The following TRRAP variants were observed in gnomAD, a reference collection of about 807,000 sequenced individuals.
TRRAP encodes the protein transformation/transcription domain-associated protein.
A neutral mutation model predicts 438.8 loss-of-function variants in TRRAP; 41 were observed. The ratio of observed to expected loss-of-function variants is 0.09; its 90% CI spans 0.07 to 0.12. The LOEUF (loss-of-function observed/expected upper bound fraction) is 0.12. Ranked by LOEUF, TRRAP falls within the 10% of genes least tolerant of loss-of-function variation. TRRAP has a pLI of 1.00. For missense variants in TRRAP, 3,122 were observed against 5,055.1 expected (o/e 0.62, Z 11.60); for synonymous variants, 1,994 against 1,962.9 (o/e 1.02, Z -0.42).
At position 99,005,310 on chromosome 7, in the gene TRRAP, A is replaced by C; in HGVS notation, c.10715A>C (p.Lys3572Thr). ...LLRLLNPCLE[K>T]RKETTKRHLF... ...CGTCTGCTGAACCCCTGTTTGGAGA[A>C]GAGAAAGGAGACCACCAAGAGGCAC... is the stretch of plus-strand genomic sequence containing the variant. Residue 3572 changes from lysine to threonine, a missense_variant, in exon 69 of 73, where the codon AAG becomes ACG. Coordinates refer to ENST00000456197, the MANE Select transcript of TRRAP (RefSeq NM_001375524.1). This position sits in a 1 kb window ranked among gnomAD's most constrained non-coding sequence, Gnocchi z 5.1. 1 of 1,614,082 alleles carries C rather than the reference A, an allele frequency of 6.2e-7. No homozygotes were observed. Among genetic ancestry groups the C allele is most frequent in the Non-Finnish European group, 8.5e-7 (1 of 1,180,030 alleles).
chr7:98,939,718 A>C (rs1311036054), intron 30 of TRRAP, among the ~76,000 whole-genome samples: 2 of 152,212 alleles, frequency 1.3e-5, no homozygotes, highest in Non-Finnish European at 2.9e-5. Flanking sequence ...ACTTTATCTT[A>C]CATCCTGTAT....
intron 45 of TRRAP, among the ~76,000 whole-genome samples, chr7:98,960,666 A>G (rs1791846537): frequency 6.6e-6 from 1 of 152,082 alleles, no homozygotes; most frequent in Non-Finnish European, 1.5e-5. Flanking sequence ...GTCTTGGCTC[A>G]CTGCAACCTC....
Position 98,903,495 on chromosome 7 carries a change from C to G in TRRAP, c.1014C>G (p.Ile338Met). ...AGCTTCTGATTGCTGCCAAACACAT[C>G]CTCACCACAGAGCTGAGAAACCGTA... ...RKELLIAAKH[I>M]LTTELRNQFI... Residue 338 changes from isoleucine (I) to methionine (M), a missense_variant, in exon 12 of 73, where the codon ATC becomes ATG. By Grantham distance (10) the Ile-to-Met change is conservative. This residue lies in a region of TRRAP where 343 missense variants were observed against 564.0 expected (regional missense o/e 0.61). Coordinates refer to ENST00000456197, the MANE Select transcript of TRRAP (RefSeq NM_001375524.1). 1 of 1,614,178 alleles carries G rather than the reference C, an allele frequency of 6.2e-7. No homozygotes were observed. The highest frequency in any genetic ancestry group is 8.5e-7 in the Non-Finnish European group (1 of 1,180,040).
Position 98,984,183 on chromosome 7 carries a change from T to C in TRRAP, c.9113T>C (p.Ile3038Thr). 1 of 1,614,174 alleles carries C rather than the reference T, an allele frequency of 6.2e-7. No homozygotes were observed. Among genetic ancestry groups the C allele is most frequent in the Non-Finnish European group, 8.5e-7 (1 of 1,180,024 alleles). The change falls in exon 61 of 73, where the codon ATC becomes ACC. Residue 3038 changes from isoleucine (I) to threonine (T), a missense_variant. Physicochemically the swap from Ile to Thr is moderately conservative, Grantham distance 89. Coordinates refer to ENST00000456197, the MANE Select transcript of TRRAP (RefSeq NM_001375524.1). Reference protein sequence around the residue: ...LGVHASASAIIQYGKIARKQG... With the variant: ...LGVHASASAITQYGKIARKQG... ...GTTCATGCATCAGCTTCAGCGATCATCCAGTATGGAAAAATCGCCCGGAAA... is the reference window on the plus strand; with the variant it reads ...GTTCATGCATCAGCTTCAGCGATCACCCAGTATGGAAAAATCGCCCGGAAA...
At position 98,907,416 on chromosome 7, in the gene TRRAP, C is replaced by T. The variant is rs187826943; in HGVS notation, c.1115+1161C>T. On this transcript the variant is annotated intron_variant, in intron 13 of 72. Transcript: ENST00000456197. ...CATTATAAAATGAATCAATGTTTGT[C>T]ATATTTTACTTCCAATAAGGAAGGC... Among the ~76,000 whole-genome samples, 186 of 151,950 alleles carry T rather than the reference C, an allele frequency of 1.2e-3. 1 individual carries two copies. The highest frequency in any genetic ancestry group is 4.0e-3 in the African/African-American group (164 of 41,448).
intron 12 of TRRAP, among the ~76,000 whole-genome samples, chr7:98,904,479 GTC>G (rs1796625559): frequency 9.7e-6 from 1 of 102,750 alleles, no homozygotes; most frequent in Non-Finnish European, 1.8e-5. Flanking sequence ...GCAAGACTCT[GTC>G]TCAAAAAAAA....
rs182453484 is a variant in TRRAP, at chr7:98,927,790, C to T, written c.3175+424C>T. Among the ~76,000 whole-genome samples, 39 of 152,218 alleles carry T rather than the reference C, an allele frequency of 2.6e-4. 1 individual carries two copies. In the East Asian group the frequency reaches 7.0e-3, roughly 27 times the overall value. ...TGCCTCGCAGTCTCCCCTGCGATGC[C>T]CGTTTCTGCTCCCAGGATCCTCATT... On this transcript the variant is annotated intron_variant, in intron 23 of 72. Transcript: ENST00000456197.
rs797034269 is a variant in TRRAP at position 98,891,212 on chromosome 7, T to A, written c.261+767T>A. ...TAGTCCATATATATATATTTTTTTT[T>A]TTTTTTTTTTTTTTTGGGAGACGGA... On this transcript the variant is annotated intron_variant, in intron 4 of 72. Transcript: ENST00000456197. Among the ~76,000 whole-genome samples the A allele has an allele frequency of 6.8e-3, 923 of 136,588 alleles. 2 individuals carry two copies. Among genetic ancestry groups the A allele is most frequent in the African/African-American group, 0.014 (516 of 38,162 alleles). 89.6% of individuals were successfully genotyped at this position (136,588 alleles called of 152,430 possible). A position where few individuals can be genotyped will look rare whatever the true frequency, so the allele number is the denominator to read the frequency against.
chr7:98,884,504 G>A (rs896983222), intron 3 of TRRAP, among the ~76,000 whole-genome samples: 1 of 152,224 alleles, frequency 6.6e-6, no homozygotes, highest in African/African-American at 2.4e-5. Context: ...CAAAGTGCTA[G>A]GATTACAAAC....
chr7:98,976,145 A>G lies in TRRAP; in HGVS notation c.7840-4A>G, dbSNP rs748364558. 5.0e-6 allele frequency: 8 copies of G among 1,613,796 alleles called. No individual in the cohort carries two copies. Among genetic ancestry groups the G allele is most frequent in the East Asian group, 4.5e-5 (2 of 44,888 alleles). On this transcript the variant is annotated splice_polypyrimidine_tract_variant and splice_region_variant and intron_variant, in intron 53 of 72. Coordinates refer to ENST00000456197, the MANE Select transcript of TRRAP (RefSeq NM_001375524.1). The surrounding 1 kb of genome is among the most constrained non-coding windows in gnomAD (Gnocchi z 4.6). ...ATCTCAGCCTGTTGTCTTTCTGTTC[A>G]TAGACTGGAGCGCTGCTCAGCGCTT...
Position 98,964,681 on chromosome 7 carries a change from C to G in TRRAP, c.6882C>G (p.Asp2294Glu). The G allele has an allele frequency of 6.2e-7, 1 of 1,614,126 alleles. No homozygotes were observed. Among genetic ancestry groups the G allele is most frequent in the Non-Finnish European group, 8.5e-7 (1 of 1,180,018 alleles). Residue 2294 changes from aspartate to glutamate, a missense_variant, in exon 48 of 73, where the codon GAC (aspartate) becomes GAG (glutamate). Transcript: ENST00000456197. ...GCAGCAACAACCCCAGCTACATAGA[C>G]AGGCTGATCTCCGTCTTTATGCGCT... is the stretch of plus-strand genomic sequence containing the variant. ...SACSNNPSYI[D>E]RLISVFMRSL... is the part of the protein sequence containing the mutation.
At chr7:98,932,973 T>C (rs1790390901) in intron 26 of TRRAP, among the ~76,000 whole-genome samples, 1 of 151,070 alleles carries the variant, frequency 6.6e-6, no homozygotes, top group Non-Finnish European at 1.5e-5. Flanking sequence ...GGTAGTTTTA[T>C]TCTTGTTTTG....
rs782175282 is a variant in TRRAP, at chr7:98,910,225, C to T, written c.1520C>T (p.Pro507Leu). 6.3e-6 allele frequency: 9 copies of T among 1,424,500 alleles called. No homozygotes were observed. In the African/African-American group the frequency reaches 1.2e-4, roughly 19 times the overall value. The allele number at this position is 1,424,500 out of a possible 1,614,324, so 88.2% of individuals were successfully genotyped here. A position where few individuals can be genotyped will look rare whatever the true frequency, so the allele number is the denominator to read the frequency against. The stretch of plus-strand genomic sequence containing the variant: ...TCCCCAGCCCCTGTCCCTGCCCCAC[C>T]TCCACCCCCGCCCCCACCCCCACCT... ...APSPAPVPAPPPPPPPPPPAT... is the reference protein window; with the variant it reads ...APSPAPVPAPLPPPPPPPPAT... The change falls in exon 15 of 73, where the codon CCT (proline) becomes CTT (leucine). Residue 507 changes from proline (P) to leucine (L), a missense_variant. Pro to Leu is a moderately conservative substitution (Grantham distance 98). This residue lies in a region of TRRAP where 115 missense variants were observed against 124.6 expected (regional missense o/e 0.92). Coordinates refer to ENST00000456197, the MANE Select transcript of TRRAP (RefSeq NM_001375524.1).
chr7:98,993,488 G>A (rs1192051768), intron 65 of TRRAP, 50 bp from the exon 66 acceptor site: 1 of 1,590,834 alleles, frequency 6.3e-7, no homozygotes, highest in Admixed American at 1.7e-5. Flanking sequence ...TCCGAGCCCT[G>A]GCGTCTGTCG....
chr7:98,896,032 T>G (rs917508939), intron 7 of TRRAP, among the ~76,000 whole-genome samples: 2 of 152,226 alleles, frequency 1.3e-5, no homozygotes, highest in African/African-American at 2.4e-5. Flanking sequence ...TAAGTACTTT[T>G]TTTGTACATA....
chr7:98,953,486 G>A, intron 40 of TRRAP, 53 bp downstream of exon 40: 1 of 1,588,868 alleles, frequency 6.3e-7, no homozygotes, highest in South Asian at 1.1e-5. Context: ...CTCACATGGT[G>A]CACTTGGCTC....
At position 98,967,151 on chromosome 7, in the gene TRRAP, C is replaced by G. The variant is rs1276533392; in HGVS notation, c.7287C>G (p.Asn2429Lys). ...ELNAQFLDLV[N>K]YVYRDETLSG... ...ATGCCCAGTTTTTAGATCTTGTTAA[C>G]TATGTCTACAGGTAATTACAGCAAT... The change falls in exon 50 of 73, where the codon AAC becomes AAG. Residue 2429 changes from asparagine (N) to lysine (K), a missense_variant. Physicochemically the swap from Asn to Lys is moderately conservative, Grantham distance 94. Around this residue, in one of 24 missense-constraint regions of TRRAP, gnomAD observed 992 missense variants for 1,281.2 expected, o/e 0.77. Coordinates refer to ENST00000456197, the MANE Select transcript of TRRAP (RefSeq NM_001375524.1). 3.1e-6 allele frequency: 5 copies of G among 1,613,784 alleles called. No homozygotes were observed. Among genetic ancestry groups the G allele is most frequent in the Non-Finnish European group, 4.2e-6 (5 of 1,179,942 alleles).
chr7:98,888,571 T>C (rs570127262), intron 3 of TRRAP, among the ~76,000 whole-genome samples: 77 of 152,330 alleles, frequency 5.1e-4, no homozygotes, highest in African/African-American at 1.7e-3. Context: ...CTTTCTCTTA[T>C]GCTTCCTTCT....
chr7:98,961,509 A>C (rs759829903), intron 46 of TRRAP, 35 bp downstream of exon 46: 2 of 1,606,714 alleles, frequency 1.2e-6, no homozygotes, highest in Non-Finnish European at 1.7e-6. Context: ...TTTTCTTTCA[A>C]AGTGGACGGT....
Sources: gnomAD v4.1 joint callset for allele counts (sites outside exome capture counted in the v4.1 genomes callset) on GRCh38, gnomAD v4.1.1 for gene constraint, gnomAD v4.1.1 regional missense constraint, Gnocchi (gnomAD v3.1) non-coding constraint, MANE v1.5 for transcripts, NCBI Gene and HGNC (gene_info 2026-07-23, HGNC 2026-07-21) for gene names.